TMPRSS11A: variants seen among roughly 807,000 people sequenced by gnomAD.
TMPRSS11A encodes the protein transmembrane protease serine 11A.
TMPRSS11A carries 53 observed loss-of-function variants against 58.9 expected under a neutral mutation model. The ratio of observed to expected loss-of-function variants is 0.90; its 90% CI spans 0.72 to 1.13. The LOEUF (loss-of-function observed/expected upper bound fraction) is 1.13, where lower values mean the gene tolerates loss of function less well. TMPRSS11A is among the 50% of genes most tolerant of loss of function. TMPRSS11A has a pLI of 0.00. For synonymous variants in TMPRSS11A, 167 were observed against 169.8 expected (o/e 0.98, Z 0.13); for missense variants, 493 against 499.3 (o/e 0.99, Z 0.12).
chr4:67,961,242 G>A (rs1721412829), intron 1 of TMPRSS11A, among the ~76,000 whole-genome samples: 1 of 152,140 alleles, frequency 6.6e-6, no homozygotes, highest in Admixed American at 6.5e-5. Context: ...TAGCATGACT[G>A]TAGAACATAT....
At chr4:67,937,861 T>C (rs1007910233) in intron 3 of TMPRSS11A, among the ~76,000 whole-genome samples, 1 of 152,156 alleles carries the variant, frequency 6.6e-6, no homozygotes, top group African/African-American at 2.4e-5. Flanking sequence ...ACTGTGGTAA[T>C]TAATGTGAGA....
rs1422831115 is a variant in TMPRSS11A at position 67,909,956 on chromosome 4, A to C, written c.*1386T>G. ...ATTATTTTCATGCCTTCTCAATAGC[A>C]TGTGAGGGAAATTATTATAAAGCAA... On this transcript the variant is annotated 3_prime_UTR_variant, in exon 10 of 10. Transcript: ENST00000508048. The C allele has an allele frequency of 2.0e-5, 3 of 152,048 alleles. No individual in the cohort carries two copies. The highest frequency in any genetic ancestry group is 7.2e-5 in the African/African-American group (3 of 41,432). 9.4% of individuals were successfully genotyped at this position (152,048 alleles called of 1,614,324 possible).
At chr4:67,923,060 A>T in intron 6 of TMPRSS11A, 134 bp from the exon 7 acceptor site, 1 of 725,308 alleles carries the variant, frequency 1.4e-6, no homozygotes, top group Non-Finnish European at 2.3e-6. Context: ...CTGTCACTGG[A>T]TTCATGGCCT....
intron 3 of TMPRSS11A, among the ~76,000 whole-genome samples, chr4:67,940,581 G>T (rs1720855973): frequency 6.6e-6 from 1 of 152,112 alleles, no homozygotes; most frequent in Non-Finnish European, 1.5e-5. Context: ...GGGATTGGTT[G>T]TAATGTTACC....
At chr4:67,936,522 A>T (rs1453882755) in intron 3 of TMPRSS11A, among the ~76,000 whole-genome samples, 1 of 152,084 alleles carries the variant, frequency 6.6e-6, no homozygotes. Flanking sequence ...GTGTCATACA[A>T]GGTGTGTGGG....
At chr4:67,933,060 T>C (rs1720667777) in intron 3 of TMPRSS11A, among the ~76,000 whole-genome samples, 1 of 151,514 alleles carries the variant, frequency 6.6e-6, no homozygotes, top group Admixed American at 6.6e-5. Context: ...CAAAATATCC[T>C]AAATTCTCAA....
chr4:67,912,501 A>C (rs901359069), intron 9 of TMPRSS11A, among the ~76,000 whole-genome samples: 2 of 152,134 alleles, frequency 1.3e-5, no homozygotes, highest in African/African-American at 4.8e-5. Context: ...GTACCCTCTC[A>C]AGTAGTTTCC....
rs1241234295 is a variant in TMPRSS11A at position 67,909,652 on chromosome 4, C to T, written c.*1690G>A. On this transcript the variant is annotated 3_prime_UTR_variant, in exon 10 of 10. Coordinates refer to ENST00000508048, the MANE Select transcript of TMPRSS11A (RefSeq NM_001114387.2). ...ATTCAGAGAATTGGCAGCCAGCTGC[C>T]TAAATGAATCTCGTCATTTAAAATT... 1 of 152,032 alleles carries T rather than the reference C, an allele frequency of 6.6e-6. No homozygotes were observed. Among genetic ancestry groups the T allele is most frequent in the Non-Finnish European group, 1.5e-5 (1 of 67,966 alleles). The allele number at this position is 152,032 out of a possible 1,614,324, so 9.4% of individuals were successfully genotyped here.
Position 67,909,612 on chromosome 4 carries a change from T to C in TMPRSS11A, c.*1730A>G, listed in dbSNP as rs1320464360. On this transcript the variant is annotated 3_prime_UTR_variant, in exon 10 of 10. Transcript: ENST00000508048. The stretch of plus-strand genomic sequence containing the variant: ...GTATATTTATATATGAAGAAGAAAC[T>C]TTGTCTTGAAGTGAATTCAGAGAAT... The C allele has an allele frequency of 6.6e-6, 1 of 152,116 alleles. No homozygotes were observed. Among genetic ancestry groups the C allele is most frequent in the African/African-American group, 2.4e-5 (1 of 41,438 alleles). 9.4% of individuals were successfully genotyped at this position (152,116 alleles called of 1,614,324 possible).
intron 5 of TMPRSS11A, among the ~76,000 whole-genome samples, chr4:67,924,973 C>T (rs1195381940): frequency 2.9e-5 from 4 of 138,336 alleles, no homozygotes; most frequent in South Asian, 2.3e-4. Flanking sequence ...TCACATAAAT[C>T]TTTTTTTTTT....
In TMPRSS11A at chr4:67,909,919, A is replaced by G. The variant is rs1719923521; in HGVS notation, c.*1423T>C. 6.6e-6 allele frequency: 1 copy of G among 152,040 alleles called. No homozygotes were observed. Among genetic ancestry groups the G allele is most frequent in the Non-Finnish European group, 1.5e-5 (1 of 67,944 alleles). 9.4% of individuals were successfully genotyped at this position (152,040 alleles called of 1,614,324 possible). A position where few individuals can be genotyped will look rare whatever the true frequency, so the allele number is the denominator to read the frequency against. ...TATGAGTGAACTGCATATCTCTTTT[A>G]GATATTTTAGGATTATTTTCATGCC... On this transcript the variant is annotated 3_prime_UTR_variant, in exon 10 of 10. Transcript: ENST00000508048.
At chr4:67,946,597 T>C in intron 1 of TMPRSS11A, 26 bp from the exon 2 acceptor site, 1 of 1,594,836 alleles carries the variant, frequency 6.3e-7, no homozygotes, top group Non-Finnish European at 8.5e-7. Flanking sequence ...GCCCACTGGT[T>C]ACTCTCAGAT....
At chr4:67,962,642 A>AC (rs1553924121) in intron 1 of TMPRSS11A, among the ~76,000 whole-genome samples, 2 of 152,240 alleles carry the variant, frequency 1.3e-5, no homozygotes, top group Non-Finnish European at 2.9e-5. Context: ...CAAAAATAGT[A>AC]CAAGTCTAAA....
intron 1 of TMPRSS11A, among the ~76,000 whole-genome samples, chr4:67,955,896 T>G (rs1170689545): frequency 6.6e-6 from 1 of 152,178 alleles, no homozygotes; most frequent in Non-Finnish European, 1.5e-5. Context: ...AAATAACAAA[T>G]TTCCATTAAG....
intron 5 of TMPRSS11A, among the ~76,000 whole-genome samples, chr4:67,926,183 C>T (rs1048988579): frequency 6.6e-6 from 1 of 152,072 alleles, no homozygotes; most frequent in African/African-American, 2.4e-5. Context: ...TTGATTTTAG[C>T]TTTGCTTTGT....
Position 67,931,877 on chromosome 4 carries a change from G to GA in TMPRSS11A, c.320+115dup. Reference sequence around the variant, plus strand: ...AGACTGCTTTAAAGGTAATGTTTATGAAAAATTCTAGCCAAAAGCCTAGTC... The same window carrying GA: ...AGACTGCTTTAAAGGTAATGTTTATGAAAAAATTCTAGCCAAAAGCCTAGTC... On this transcript the variant is annotated intron_variant, in intron 4 of 9. Coordinates refer to ENST00000508048, the MANE Select transcript of TMPRSS11A (RefSeq NM_001114387.2). 4 of 653,328 alleles carry GA rather than the reference G, an allele frequency of 6.1e-6. No homozygotes were observed. The South Asian group carries it at 6.8e-5, about 11-fold the overall frequency. The allele number at this position is 653,328 out of a possible 1,614,324, so 40.5% of individuals were successfully genotyped here.
At chr4:67,937,855 T>C (rs891298207) in intron 3 of TMPRSS11A, among the ~76,000 whole-genome samples, 1 of 152,106 alleles carries the variant, frequency 6.6e-6, no homozygotes, top group Admixed American at 6.6e-5. Flanking sequence ...GTGAATACTG[T>C]GGTAATTAAT....
rs1158777701 is a variant in TMPRSS11A, at chr4:67,914,720, T to C, written c.963A>G (p.Gln321=). 1 of 1,612,986 alleles carries C rather than the reference T, an allele frequency of 6.2e-7. No individual in the cohort carries two copies. Among genetic ancestry groups the C allele is most frequent in the South Asian group, 1.1e-5 (1 of 90,816 alleles). Residue 321 remains glutamine, a synonymous_variant, in exon 9 of 10, where the codon CAA becomes CAG. Transcript: ENST00000508048. ...FGALYYGGES[Q]NDLREARVKI... ...TCACTCTGGCTTCTCGGAGATCATT[T>C]TGGGATTCCCCTTAAGGAAAAATAG...
chr4:67,918,917 A>C, intron 8 of TMPRSS11A, 56 bp downstream of exon 8: 1 of 1,584,602 alleles, frequency 6.3e-7, no homozygotes, highest in Non-Finnish European at 8.6e-7. Flanking sequence ...ATGGAGATGA[A>C]ATCACATTGC....
Sources: allele counts gnomAD v4.1 joint callset (sites outside exome capture counted in the v4.1 genomes callset), GRCh38; gene constraint gnomAD v4.1.1; transcripts MANE v1.5; gene names NCBI Gene and HGNC (gene_info 2026-07-23, HGNC 2026-07-21).